Variants in CCDC83 observed in about 807,000 individuals in gnomAD.
CCDC83 encodes coiled-coil domain containing 83, also known as coiled-coil domain-containing protein 83.
Under a neutral mutation model 50.1 loss-of-function variants are expected in CCDC83, and 54 were observed. That is an observed-to-expected ratio of 1.08 (90% CI 0.87 to 1.35). The LOEUF is 1.35. Ranked by LOEUF, CCDC83 falls within the 40% of genes most tolerant of loss-of-function variation. The pLI is 0.00. For synonymous variants in CCDC83, 161 were observed against 153.3 expected (o/e 1.05, Z -0.37); for missense variants, 518 against 473.9 (o/e 1.09, Z -0.86).
At chr11:85,881,369 T>TC (rs745847666) in intron 3 of CCDC83, among the ~76,000 whole-genome samples, 29 of 143,988 alleles carry the variant, frequency 2.0e-4, no homozygotes, top group Admixed American at 7.0e-4. Context: ...CAAGACTCCA[T>TC]CCCCCCCCAA....
intron 7 of CCDC83, among the ~76,000 whole-genome samples, chr11:85,904,129 A>G (rs1311418218): frequency 6.6e-6 from 1 of 152,174 alleles, no homozygotes; most frequent in Non-Finnish European, 1.5e-5. Flanking sequence ...GCCAGGGAGC[A>G]TGAAAGGGGT....
chr11:85,875,749 C>T (rs1398309410), intron 3 of CCDC83, among the ~76,000 whole-genome samples: 1 of 152,158 alleles, frequency 6.6e-6, no homozygotes, highest in African/African-American at 2.4e-5. Context: ...CATGTTTTCT[C>T]TTCAGTTATT....
chr11:85,897,817 G>A (rs1019012217), intron 6 of CCDC83, among the ~76,000 whole-genome samples: 3 of 152,110 alleles, frequency 2.0e-5, no homozygotes, highest in Non-Finnish European at 4.4e-5. Flanking sequence ...AATGTAATAA[G>A]CATGACTTAC....
At chr11:85,908,551 T>TTAGA (rs58433339) in intron 7 of CCDC83, among the ~76,000 whole-genome samples, 4,769 of 137,476 alleles carry the variant, frequency 0.035, 96 homozygotes, top group East Asian at 0.059. Flanking sequence ...GACTAGATGA[T>TTAGA]TAGATAGATA....
At chr11:85,899,445 TG>T (rs1213489514) in intron 7 of CCDC83, among the ~76,000 whole-genome samples, 1 of 152,240 alleles carries the variant, frequency 6.6e-6, no homozygotes, top group Non-Finnish European at 1.5e-5. Flanking sequence ...TGTGAGGTAC[TG>T]TACTGTTTTC....
At chr11:85,896,123 A>G (rs2093373859) in intron 6 of CCDC83, among the ~76,000 whole-genome samples, 1 of 152,070 alleles carries the variant, frequency 6.6e-6, no homozygotes, top group Non-Finnish European at 1.5e-5. Flanking sequence ...AAATCCCCAA[A>G]TCCAAAATCC....
intron 7 of CCDC83, among the ~76,000 whole-genome samples, chr11:85,905,951 A>G (rs1227595164): frequency 6.8e-6 from 1 of 146,324 alleles, no homozygotes; most frequent in Admixed American, 6.9e-5. Context: ...CCTGGGCGAC[A>G]AGAGCATGAC....
intron 7 of CCDC83, 112 bp downstream of exon 7, chr11:85,899,127 G>A: frequency 1.4e-6 from 1 of 720,556 alleles, no homozygotes; most frequent in East Asian, 2.7e-5. Flanking sequence ...ATGACTGACT[G>A]AGACAAAATA....
intron 5 of CCDC83, among the ~76,000 whole-genome samples, chr11:85,893,537 A>T (rs1278296221): frequency 6.6e-6 from 1 of 152,224 alleles, no homozygotes; most frequent in Non-Finnish European, 1.5e-5. Context: ...CCAACCCCCA[A>T]GGCCACAGGC....
At chr11:85,865,324 G>A in intron 2 of CCDC83, 106 bp downstream of exon 2, 2 of 729,906 alleles carry the variant, frequency 2.7e-6, no homozygotes, top group Non-Finnish European at 4.7e-6. Context: ...GCTGCCAAAA[G>A]AATAGAGGTG....
intron 2 of CCDC83, among the ~76,000 whole-genome samples, chr11:85,866,575 C>T (rs746360651): frequency 2.0e-5 from 3 of 151,616 alleles, no homozygotes; most frequent in Non-Finnish European, 4.4e-5. Context: ...ATTGCCTGAG[C>T]CCAGGGAGGT....
intron 6 of CCDC83, among the ~76,000 whole-genome samples, chr11:85,896,422 A>C (rs1019374125): frequency 3.3e-5 from 5 of 151,026 alleles, no homozygotes; most frequent in Non-Finnish European, 7.4e-5. Context: ...AAAAAAAAAA[A>C]AAAAACCAAA....
intron 2 of CCDC83, among the ~76,000 whole-genome samples, chr11:85,871,166 C>CA (rs201732009): frequency 7.3e-5 from 11 of 151,386 alleles, no homozygotes; most frequent in Admixed American, 2.0e-4. Flanking sequence ...GACTCTATTT[C>CA]AAAAAAACAA....
intron 2 of CCDC83, among the ~76,000 whole-genome samples, chr11:85,868,013 A>T (rs1324442828): frequency 1.3e-5 from 2 of 149,082 alleles, no homozygotes; most frequent in Admixed American, 6.7e-5. Flanking sequence ...CTGAGGAAGG[A>T]TTGTCCAGGA....
At chr11:85,858,336 T>C (rs989798291) in intron 1 of CCDC83, among the ~76,000 whole-genome samples, 4 of 152,198 alleles carry the variant, frequency 2.6e-5, no homozygotes, top group African/African-American at 9.6e-5. Context: ...TTACCTGTAC[T>C]TGTCCCGTGA....
chr11:85,873,730 C>T (rs1286774113), intron 3 of CCDC83, among the ~76,000 whole-genome samples: 4 of 152,042 alleles, frequency 2.6e-5, no homozygotes, highest in Non-Finnish European at 4.4e-5. Flanking sequence ...TTAGTAATTG[C>T]ATATTTAAGA....
chr11:85,900,979 C>T (rs896076680), intron 7 of CCDC83, among the ~76,000 whole-genome samples: 2 of 151,710 alleles, frequency 1.3e-5, no homozygotes, highest in Non-Finnish European at 2.9e-5. Flanking sequence ...GTATGAGAAT[C>T]GCTTGAGCCC....
chr11:85,908,453 A>G (rs1254127505), intron 7 of CCDC83, among the ~76,000 whole-genome samples: 1 of 152,116 alleles, frequency 6.6e-6, no homozygotes, highest in Non-Finnish European at 1.5e-5. Context: ...GTGGAGGCTG[A>G]GGCAGGAGAA....
rs146428601 is a variant in CCDC83, at chr11:85,874,338, C to T, written c.180+1043C>T. On this transcript the variant is annotated intron_variant, in intron 3 of 10. Coordinates refer to ENST00000342404, the MANE Select transcript of CCDC83 (RefSeq NM_001286159.2). Reference sequence around the variant, plus strand: ...GAGAAGTAAGTCCCATCGATGCACCCATGCACATCCTCCAGTGATCAGCAC... The same window carrying T: ...GAGAAGTAAGTCCCATCGATGCACCTATGCACATCCTCCAGTGATCAGCAC... Among the ~76,000 whole-genome samples, 7 of 152,320 alleles carry T rather than the reference C, an allele frequency of 4.6e-5. No homozygotes were observed. The East Asian group carries it at 1.3e-3, about 29-fold the overall frequency.
Sources: gnomAD v4.1 joint callset for allele counts (sites outside exome capture counted in the v4.1 genomes callset) on GRCh38, gnomAD v4.1.1 for gene constraint, MANE v1.5 for transcripts, NCBI Gene and HGNC (gene_info 2026-07-23, HGNC 2026-07-21) for gene names.